Variants in ARHGAP10 observed in about 807,000 individuals in gnomAD.
ARHGAP10 encodes Rho GTPase activating protein 10.
ARHGAP10 carries 87 observed loss-of-function variants against 108.6 expected under a neutral mutation model. The observed-to-expected ratio is 0.80, with a 90% confidence interval of 0.67 to 0.96. The LOEUF (loss-of-function observed/expected upper bound fraction) is 0.96. Ranked by LOEUF, ARHGAP10 falls within the 40% of genes least tolerant of loss-of-function variation. The probability of loss-of-function intolerance (pLI) is 0.00; values close to 1 mark genes in which losing one functional copy is unlikely to be tolerated. For synonymous variants in ARHGAP10, 347 were observed against 341.1 expected, an observed-to-expected ratio of 1.02 and a Z score of -0.19; for missense variants, 939 against 954.5, an observed-to-expected ratio of 0.98 and a Z score of 0.21.
At chr4:148,016,509 GA>G (rs528884331) in intron 18 of ARHGAP10, among the ~76,000 whole-genome samples, 25 of 148,718 alleles carry the variant, frequency 1.7e-4, no homozygotes, top group African/African-American at 3.7e-4. Flanking sequence ...GTCTCTGAAA[GA>G]AAAAAAAAAT....
chr4:147,921,751 C>T (rs1049618220), intron 13 of ARHGAP10, among the ~76,000 whole-genome samples: 27 of 152,242 alleles, frequency 1.8e-4, no homozygotes, highest in Admixed American at 2.6e-4. Context: ...CTCATCCCAC[C>T]GTTTTACCTC....
intron 19 of ARHGAP10, among the ~76,000 whole-genome samples, chr4:148,041,170 C>T (rs1728618441): frequency 6.6e-6 from 1 of 151,926 alleles, no homozygotes; most frequent in Admixed American, 6.6e-5. Flanking sequence ...CCTTTTCTTC[C>T]TTACTCCTGC....
At chr4:147,974,663 G>C (rs78661620) in intron 18 of ARHGAP10, among the ~76,000 whole-genome samples, 6,898 of 152,200 alleles carry the variant, frequency 0.045, 171 homozygotes, top group South Asian at 0.057. Context: ...ATGTTTCATT[G>C]ATTTCCTGAT....
intron 18 of ARHGAP10, among the ~76,000 whole-genome samples, chr4:147,980,773 T>G (rs1739781139): frequency 6.6e-6 from 1 of 152,136 alleles, no homozygotes; most frequent in African/African-American, 2.4e-5. Context: ...TGGGAAGTTG[T>G]GTGGTTGTAT....
intron 3 of ARHGAP10, among the ~76,000 whole-genome samples, chr4:147,824,287 A>G (rs1266170241): frequency 6.6e-6 from 1 of 151,656 alleles, no homozygotes; most frequent in Admixed American, 6.6e-5. Context: ...GAACCACTGC[A>G]CTCCAAACTT....
chr4:147,786,024 CAAG>C (rs1458022261), intron 1 of ARHGAP10, among the ~76,000 whole-genome samples: 3 of 152,034 alleles, frequency 2.0e-5, no homozygotes, highest in Non-Finnish European at 4.4e-5. Context: ...TGTTTATTGA[CAAG>C]AATTTTTCTG....
At chr4:147,907,048 A>G (rs1359923883) in intron 11 of ARHGAP10, among the ~76,000 whole-genome samples, 1 of 152,176 alleles carries the variant, frequency 6.6e-6, no homozygotes, top group Non-Finnish European at 1.5e-5. Flanking sequence ...CCTGCAATGC[A>G]TTTTGATCTC....
At chr4:147,778,248 A>G (rs1730385941) in intron 1 of ARHGAP10, among the ~76,000 whole-genome samples, 1 of 152,132 alleles carries the variant, frequency 6.6e-6, no homozygotes, top group African/African-American at 2.4e-5. Context: ...TGCCTGTTGT[A>G]TGATAGATGT....
At chr4:147,857,882 T>C (rs992297484) in intron 5 of ARHGAP10, 2 of 234,592 alleles carry the variant, frequency 8.5e-6, no homozygotes, top group African/African-American at 4.5e-5. Flanking sequence ...GTAAAATTTT[T>C]GTTTCTGAGC....
At chr4:148,026,310 T>C (rs946619199) in intron 19 of ARHGAP10, among the ~76,000 whole-genome samples, 45 of 152,286 alleles carry the variant, frequency 3.0e-4, no homozygotes, top group African/African-American at 8.7e-4. Flanking sequence ...CCTGTTAGCA[T>C]GTGTCACAGT....
chr4:147,995,718 C>T (rs186956184), intron 18 of ARHGAP10, among the ~76,000 whole-genome samples: 2 of 152,066 alleles, frequency 1.3e-5, no homozygotes, highest in Non-Finnish European at 1.5e-5. Flanking sequence ...TGGTCCATCT[C>T]TCTCTCTTTT....
chr4:147,837,027 T>G (rs545235570), intron 3 of ARHGAP10, among the ~76,000 whole-genome samples: 2 of 152,332 alleles, frequency 1.3e-5, no homozygotes, highest in South Asian at 4.1e-4. Flanking sequence ...CGAAATCGAT[T>G]GTGAAACTTT....
In ARHGAP10 at chr4:147,896,401, T is replaced by C. The variant is rs77781709; in HGVS notation, c.1035-10237T>C. Reference sequence around the variant, plus strand: ...AGAGGATATAATGATATTCAGATTTTCTATTTTTCTTGGGTTTTGATAAAT... The same window carrying C: ...AGAGGATATAATGATATTCAGATTTCCTATTTTTCTTGGGTTTTGATAAAT... On this transcript the variant is annotated intron_variant, in intron 10 of 22. Coordinates refer to ENST00000336498, the MANE Select transcript of ARHGAP10 (RefSeq NM_024605.4). 6.8e-3 allele frequency among the ~76,000 whole-genome samples: 1,038 copies of C among 152,306 alleles called. 13 individuals are homozygous for C. The highest frequency in any genetic ancestry group is 0.023 in the African/African-American group (961 of 41,576).
rs1731653851 is a variant in ARHGAP10, at chr4:147,803,304, C to T, written c.155-19423C>T. Among the ~76,000 whole-genome samples, 4 of 152,164 alleles carry T rather than the reference C, an allele frequency of 2.6e-5. No individual in the cohort carries two copies. The South Asian group carries it at 6.2e-4, about 24-fold the overall frequency. ...GATTACAGGCATGAGCCACTGCATC[C>T]AGCCTATTTATTTTTCTTTTTTTAT... On this transcript the variant is annotated intron_variant, in intron 1 of 22. Transcript: ENST00000336498.
At chr4:147,796,671 G>C (rs538792896) in intron 1 of ARHGAP10, among the ~76,000 whole-genome samples, 1 of 152,006 alleles carries the variant, frequency 6.6e-6, no homozygotes, top group Non-Finnish European at 1.5e-5. Flanking sequence ...GATCACAGGC[G>C]CCTGCCACCA....
chr4:148,031,225 T>A (rs1578807815), intron 19 of ARHGAP10, among the ~76,000 whole-genome samples: 1 of 152,256 alleles, frequency 6.6e-6, no homozygotes, highest in Non-Finnish European at 1.5e-5. Context: ...TCTTGGCTAT[T>A]TTTTAAAAGG....
rs886709204 is a variant in ARHGAP10 at position 147,812,742 on chromosome 4, T to A, written c.155-9985T>A. Among the ~76,000 whole-genome samples the A allele has an allele frequency of 3.3e-5, 5 of 152,162 alleles. 1 individual carries two copies. The highest frequency in any genetic ancestry group is 7.2e-5 in the African/African-American group (3 of 41,440). ...TGTTCCCCACACCGAGGCAGCATAT[T>A]TTGATGGTTTAGACTGAGAACTGAA... On this transcript the variant is annotated intron_variant, in intron 1 of 22. Transcript: ENST00000336498.
In ARHGAP10 at chr4:148,047,016, A is replaced by G. The variant is rs767400685; in HGVS notation, c.1992A>G (p.Ala664=). The G allele has an allele frequency of 1.9e-6, 3 of 1,614,176 alleles. No individual in the cohort carries two copies. Among genetic ancestry groups the G allele is most frequent in the Middle Eastern group, 1.6e-4 (1 of 6,062 alleles). Residue 664 remains alanine, a synonymous_variant, in exon 20 of 23, where the codon GCA becomes GCG. Coordinates refer to ENST00000336498, the MANE Select transcript of ARHGAP10 (RefSeq NM_024605.4). ...PPGPDKNHLL[A]DGGSFGDWAS... ...GACCAGACAAAAACCACCTTCTGGC[A>G]GATGGAGGGAGCTTTGGAGACTGGG...
At chr4:147,970,303 G>A (rs1012515208) in intron 18 of ARHGAP10, among the ~76,000 whole-genome samples, 1 of 152,158 alleles carries the variant, frequency 6.6e-6, no homozygotes, top group Non-Finnish European at 1.5e-5. Flanking sequence ...ACTGTAGAGT[G>A]GGGAGGGAAG....
Sources: gnomAD v4.1 joint callset for allele counts (sites outside exome capture counted in the v4.1 genomes callset) on GRCh38, gnomAD v4.1.1 for gene constraint, MANE v1.5 for transcripts, NCBI Gene and HGNC (gene_info 2026-07-23, HGNC 2026-07-21) for gene names.